RBFOX2: variants seen among roughly 807,000 people sequenced by gnomAD.
RBFOX2 encodes RNA binding fox-1 homolog 2.
A neutral mutation model predicts 49.1 loss-of-function variants in RBFOX2; 10 were observed. The observed-to-expected ratio is 0.20, with a 90% CI of 0.13 to 0.35. RBFOX2 has a LOEUF of 0.35. RBFOX2 is among the 10% of genes least tolerant of loss of function. RBFOX2 has a pLI of 1.00. For missense variants in RBFOX2, 323 were observed against 486.9 expected (o/e 0.66, Z 3.17); for synonymous variants, 183 against 187.4 (o/e 0.98, Z 0.19).
In RBFOX2 at chr22:35,982,533, A is replaced by T. The variant is rs575091909; in HGVS notation, c.187-43636T>A. Among the ~76,000 whole-genome samples the T allele has an allele frequency of 2.2e-4, 33 of 152,270 alleles. No individual in the cohort carries two copies. The South Asian group carries it at 6.8e-3, about 32-fold the overall frequency. ...CTCAACAGCCAGCATGGTACAGGGCATACGGGCGCTAAATAAACATTTGCT... is the reference window on the plus strand; with the variant it reads ...CTCAACAGCCAGCATGGTACAGGGCTTACGGGCGCTAAATAAACATTTGCT... On this transcript the variant is annotated intron_variant, in intron 1 of 13. Coordinates refer to the RBFOX2 transcript ENST00000438146.
chr22:35,852,502 AAAAG>A (rs2042056602), intron 1 of RBFOX2, among the ~76,000 whole-genome samples: 1 of 152,162 alleles, frequency 6.6e-6, no homozygotes, highest in Admixed American at 6.5e-5. Flanking sequence ...AAAAAAAAAA[AAAAG>A]AATGTTTCTG....
At chr22:35,924,381 A>T (rs1475236862) in intron 1 of RBFOX2, among the ~76,000 whole-genome samples, 2 of 152,248 alleles carry the variant, frequency 1.3e-5, no homozygotes, top group Non-Finnish European at 2.9e-5. Context: ...ATCCTAATGT[A>T]GTAATAGGAG....
chr22:35,799,082 A>G (rs1169242875), intron 2 of RBFOX2, among the ~76,000 whole-genome samples: 1 of 152,190 alleles, frequency 6.6e-6, no homozygotes, highest in Non-Finnish European at 1.5e-5. Context: ...TGTATCCATA[A>G]TATACCAATA....
intron 1 of RBFOX2, among the ~76,000 whole-genome samples, chr22:35,989,447 G>A (rs1394332512): frequency 6.6e-6 from 1 of 151,998 alleles, no homozygotes; most frequent in Non-Finnish European, 1.5e-5. Context: ...GGATGTAGTC[G>A]CAAGGGGGTT....
chr22:36,023,976 A>C (rs1009475381), intron 1 of RBFOX2, among the ~76,000 whole-genome samples: 11 of 152,346 alleles, frequency 7.2e-5, no homozygotes, highest in Admixed American at 6.5e-4. Context: ...TTAGTGGTAC[A>C]ACTTAACAAG....
chr22:35,813,077 T>A (rs944520178), intron 1 of RBFOX2, among the ~76,000 whole-genome samples: 14 of 152,288 alleles, frequency 9.2e-5, no homozygotes, highest in African/African-American at 3.4e-4. Flanking sequence ...AAGAAGAAAT[T>A]CTTAGTGGAT....
At chr22:35,894,066 A>G (rs1156365252) in intron 1 of RBFOX2, among the ~76,000 whole-genome samples, 1 of 152,108 alleles carries the variant, frequency 6.6e-6, no homozygotes, top group African/African-American at 2.4e-5. Flanking sequence ...ATTTCTCTAA[A>G]AGTTATCACA....
chr22:35,741,840 A>T (rs1930099934), exon 12 of RBFOX2: 1 of 152,634 alleles, frequency 6.6e-6, no homozygotes, highest in South Asian at 2.1e-4. Context: ...TCTAGGAAAA[A>T]AGAAGAGAAA....
At chr22:35,776,406 C>T (rs1943919410) in intron 4 of RBFOX2, among the ~76,000 whole-genome samples, 1 of 152,136 alleles carries the variant, frequency 6.6e-6, no homozygotes, top group African/African-American at 2.4e-5. Flanking sequence ...ATAATTACCC[C>T]TTTAATAGTT....
intron 1 of RBFOX2, among the ~76,000 whole-genome samples, chr22:35,893,197 G>T (rs949380575): frequency 6.6e-6 from 1 of 152,158 alleles, no homozygotes; most frequent in African/African-American, 2.4e-5. Context: ...AGTGACCAGG[G>T]GACTCCCAAG....
chr22:35,881,076 A>G (rs1229403755), intron 1 of RBFOX2, among the ~76,000 whole-genome samples: 3 of 149,240 alleles, frequency 2.0e-5, no homozygotes, highest in African/African-American at 5.0e-5. Context: ...CATCCTGGCT[A>G]ACATGGTGAA....
At chr22:35,899,492 A>G (rs2048302579) in intron 1 of RBFOX2, among the ~76,000 whole-genome samples, 2 of 150,186 alleles carry the variant, frequency 1.3e-5, no homozygotes, top group African/African-American at 4.9e-5. Context: ...AAAACCAAAA[A>G]CCCACAGGGA....
intron 1 of RBFOX2, among the ~76,000 whole-genome samples, chr22:35,933,486 TC>T (rs906397894): frequency 5.9e-5 from 9 of 152,310 alleles, no homozygotes; most frequent in East Asian, 1.9e-4. Context: ...CTGCTGAACA[TC>T]CCTTACTTGG....
intron 1 of RBFOX2, chr22:35,897,959 G>A: frequency 1.3e-6 from 1 of 776,122 alleles, no homozygotes; most frequent in Non-Finnish European, 2.3e-6. Flanking sequence ...ATTGCTTGGG[G>A]AATCTTCACA....
At chr22:35,906,247 T>A (rs535216737) in intron 1 of RBFOX2, among the ~76,000 whole-genome samples, 20 of 152,284 alleles carry the variant, frequency 1.3e-4, no homozygotes, top group African/African-American at 4.6e-4. Flanking sequence ...AAACACCCAG[T>A]GCCTGTAGGG....
At chr22:35,752,726 C>CA in intron 9 of RBFOX2, 1 of 789,434 alleles carries the variant, frequency 1.3e-6, no homozygotes, top group Middle Eastern at 6.4e-4. Context: ...ACAAAAAGCC[C>CA]ACTAAGGGGC....
At chr22:35,770,371 T>C (rs1052670864) in intron 4 of RBFOX2, among the ~76,000 whole-genome samples, 11 of 152,176 alleles carry the variant, frequency 7.2e-5, no homozygotes, top group African/African-American at 2.7e-4. Flanking sequence ...TTAAGTTATA[T>C]GAAAACTAAG....
chr22:35,775,328 T>C (rs921547901), intron 4 of RBFOX2, among the ~76,000 whole-genome samples: 30 of 152,292 alleles, frequency 2.0e-4, no homozygotes, highest in African/African-American at 6.7e-4. Context: ...TGAAGGCAGA[T>C]TCAGGGCAAT....
intron 1 of RBFOX2, among the ~76,000 whole-genome samples, chr22:35,958,359 G>A (rs2055826050): frequency 1.3e-5 from 2 of 152,178 alleles, no homozygotes; most frequent in African/African-American, 4.8e-5. Flanking sequence ...GGTATACAAA[G>A]CACCTGAAAG....
Sources: allele counts gnomAD v4.1 joint callset (sites outside exome capture counted in the v4.1 genomes callset), GRCh38; gene constraint gnomAD v4.1.1; transcripts MANE v1.5; gene names NCBI Gene and HGNC (gene_info 2026-07-23, HGNC 2026-07-21).